The following DLG2 variants were observed in gnomAD, a reference collection of about 807,000 sequenced individuals.
DLG2 encodes the protein disks large homolog 2.
In DLG2, 45 loss-of-function variants were observed where a neutral mutation model predicts 132.5. The observed-to-expected ratio is 0.34, with a 90% CI of 0.27 to 0.44. The LOEUF is 0.44. Among genes scored for constraint, DLG2 ranks in the 20% least tolerant of loss-of-function variants. The probability of loss-of-function intolerance (pLI) is 1.00; values close to 1 mark genes in which losing one functional copy is unlikely to be tolerated. For synonymous variants in DLG2, 424 were observed against 419.6 expected, an observed-to-expected ratio of 1.01 and a Z score of -0.13; for missense variants, 1,045 against 1,196.9, an observed-to-expected ratio of 0.87 and a Z score of 1.87.
chr11:83,558,146 CCCTTA>C (rs1231082280), intron 19 of DLG2, among the ~76,000 whole-genome samples: 1 of 152,050 alleles, frequency 6.6e-6, no homozygotes, highest in African/African-American at 2.4e-5. Context: ...TAGTTGTAGT[CCCTTA>C]CTTAGTCCAA....
chr11:84,354,951 C>T (rs925195092), intron 7 of DLG2, among the ~76,000 whole-genome samples: 10 of 152,110 alleles, frequency 6.6e-5, no homozygotes, highest in African/African-American at 2.2e-4. Flanking sequence ...ACCTTCTTTG[C>T]CTCCTTTTAA....
chr11:83,676,093 G>A (rs1158993653), intron 18 of DLG2, among the ~76,000 whole-genome samples: 1 of 152,164 alleles, frequency 6.6e-6, no homozygotes, highest in African/African-American at 2.4e-5. Flanking sequence ...TGGGGAGACT[G>A]TCTTTATCCT....
chr11:85,289,596 C>A (rs1429017400), intron 3 of DLG2, among the ~76,000 whole-genome samples: 1 of 152,172 alleles, frequency 6.6e-6, no homozygotes, highest in Non-Finnish European at 1.5e-5. Flanking sequence ...CTTCAACAAA[C>A]AGATGGTAAA....
intron 5 of DLG2, among the ~76,000 whole-genome samples, chr11:85,123,009 G>C (rs537160076): frequency 1.2e-5 from 1 of 81,534 alleles, no homozygotes; most frequent in Non-Finnish European, 2.3e-5. Flanking sequence ...ACAGAGTCTC[G>C]CTCTGTCGCC....
At chr11:85,431,679 C>T (rs970974755) in intron 3 of DLG2, among the ~76,000 whole-genome samples, 2 of 152,234 alleles carry the variant, frequency 1.3e-5, no homozygotes, top group African/African-American at 4.8e-5. Flanking sequence ...AGAGCCTGAG[C>T]TCCTAGCGGG....
rs568790835 is a variant in DLG2, at chr11:83,701,767, G to A, written c.1826-68442C>T. Among the ~76,000 whole-genome samples, 73 of 152,296 alleles carry A rather than the reference G, an allele frequency of 4.8e-4. No homozygotes were observed. The Middle Eastern group carries it at 0.01, about 21-fold the overall frequency. ...ACAACAGGAAGAGCACAGACACTGG[G>A]ATAACCTGTCGTGGTAGGGAAGGGA... On this transcript the variant is annotated intron_variant, in intron 18 of 27. Transcript: ENST00000376104.
chr11:85,107,638 CA>C (rs1396896000), intron 6 of DLG2, among the ~76,000 whole-genome samples: 1 of 151,890 alleles, frequency 6.6e-6, no homozygotes, highest in Non-Finnish European at 1.5e-5. Context: ...TTGCAGATGG[CA>C]GAAGCTCAGG....
intron 18 of DLG2, chr11:83,682,163 A>G: frequency 3.0e-6 from 3 of 985,420 alleles, no homozygotes; most frequent in South Asian, 4.7e-5. Context: ...CTTACCGAGC[A>G]CAAAATTATT....
chr11:85,230,031 T>G (rs980166672), intron 4 of DLG2, among the ~76,000 whole-genome samples: 3 of 152,034 alleles, frequency 2.0e-5, no homozygotes, highest in Non-Finnish European at 2.9e-5. Flanking sequence ...CTAATGTAGA[T>G]GATGGGTTGA....
intron 7 of DLG2, among the ~76,000 whole-genome samples, chr11:84,332,508 C>CCT (rs1555509658): frequency 1.3e-5 from 1 of 78,292 alleles, no homozygotes; most frequent in Non-Finnish European, 2.3e-5. Flanking sequence ...CCGCGCCTGG[C>CCT]TTTTTTTTTT....
intron 7 of DLG2, among the ~76,000 whole-genome samples, chr11:84,458,522 G>A (rs1019083705): frequency 6.6e-6 from 1 of 150,852 alleles, no homozygotes; most frequent in African/African-American, 2.4e-5. Flanking sequence ...CTGTTAGAAT[G>A]TTATTAATTT....
intron 6 of DLG2, among the ~76,000 whole-genome samples, chr11:84,603,312 T>C (rs2099579954): frequency 6.6e-6 from 1 of 151,952 alleles, no homozygotes; most frequent in Non-Finnish European, 1.5e-5. Flanking sequence ...AGACATTCCA[T>C]ATATATTTCT....
At chr11:85,092,498 A>T (rs1007351552) in intron 6 of DLG2, among the ~76,000 whole-genome samples, 1 of 152,308 alleles carries the variant, frequency 6.6e-6, no homozygotes, top group Non-Finnish European at 1.5e-5. Flanking sequence ...ATGACAGAAC[A>T]CTTCATAGGA....
intron 8 of DLG2, among the ~76,000 whole-genome samples, chr11:84,239,906 G>A (rs1290295087): frequency 6.6e-6 from 1 of 152,184 alleles, no homozygotes; most frequent in African/African-American, 2.4e-5. Flanking sequence ...CTAACATGTT[G>A]TGTGGTAGAA....
intron 10 of DLG2, among the ~76,000 whole-genome samples, chr11:84,097,473 A>C (rs2097181248): frequency 6.6e-6 from 1 of 152,030 alleles, no homozygotes; most frequent in Non-Finnish European, 1.5e-5. Context: ...CCCCCACTCC[A>C]CAGCTCTTTG....
At chr11:83,729,182 G>C (rs1433898219) in intron 18 of DLG2, among the ~76,000 whole-genome samples, 2 of 152,148 alleles carry the variant, frequency 1.3e-5, no homozygotes, top group Non-Finnish European at 2.9e-5. Context: ...TTTAAATTCT[G>C]ATGTTTGGAC....
At chr11:83,756,747 T>C (rs2093663937) in intron 18 of DLG2, among the ~76,000 whole-genome samples, 1 of 151,526 alleles carries the variant, frequency 6.6e-6, no homozygotes, top group African/African-American at 2.4e-5. Flanking sequence ...TAGAAAAATT[T>C]CCATCTTTAT....
In DLG2 at chr11:85,005,384, G is replaced by A. The variant is rs148509808; in HGVS notation, c.357+106277C>T. On this transcript the variant is annotated intron_variant, in intron 6 of 27. Coordinates refer to ENST00000376104, the MANE Select transcript of DLG2 (RefSeq NM_001142699.3). ...GCATGGAATGTGTTTCCATTTGTTT[G>A]TGTCCTCTCTTATTTCCTTGAGCAG... 5.8e-3 allele frequency among the ~76,000 whole-genome samples: 882 copies of A among 152,242 alleles called. 3 individuals carry two copies. The highest frequency in any genetic ancestry group is 0.01 in the Middle Eastern group (3 of 294).
intron 11 of DLG2, among the ~76,000 whole-genome samples, chr11:84,016,512 G>C (rs1398095191): frequency 2.0e-5 from 3 of 152,040 alleles, no homozygotes; most frequent in African/African-American, 7.2e-5. Context: ...AATCCATCTT[G>C]AGTTGATTTT....
Sources: allele counts gnomAD v4.1 joint callset (sites outside exome capture counted in the v4.1 genomes callset), GRCh38; gene constraint gnomAD v4.1.1; transcripts MANE v1.5; gene names NCBI Gene and HGNC (gene_info 2026-07-23, HGNC 2026-07-21).